PMFBP1: variants seen among roughly 807,000 people sequenced by gnomAD.
PMFBP1 encodes the protein polyamine modulated factor 1 binding protein 1, also known as polyamine-modulated factor 1-binding protein 1.
Under a neutral mutation model 137.8 loss-of-function variants are expected in PMFBP1, and 131 were observed. The observed-to-expected ratio is 0.95, with a 90% CI of 0.82 to 1.10. The LOEUF (loss-of-function observed/expected upper bound fraction) is 1.10, where lower values mean the gene tolerates loss of function less well. PMFBP1 is among the 50% of genes least tolerant of loss of function. The probability of loss-of-function intolerance (pLI) is 0.00; values close to 1 mark genes in which losing one functional copy is unlikely to be tolerated. For missense variants in PMFBP1, 1,199 were observed against 1,175.4 expected, an observed-to-expected ratio of 1.02 and a Z score of -0.29; for synonymous variants, 490 against 450.4, an observed-to-expected ratio of 1.09 and a Z score of -1.11.
chr16:72,242,497 T>A, the PMFBP1 span, among the ~76,000 whole-genome samples: 3 of 152,212 alleles, frequency 2.0e-5, no homozygotes, highest in Non-Finnish European at 4.4e-5. Context: ...CTATAGAACC[T>A]TTTCTTTTTC....
intron 3 of PMFBP1, among the ~76,000 whole-genome samples, chr16:72,155,584 G>A (rs770189935): frequency 5.3e-5 from 8 of 152,184 alleles, no homozygotes; most frequent in Admixed American, 2.0e-4. Context: ...TGAAAATAGC[G>A]TCCAAGCAAT....
chr16:72,242,751 T>C, the PMFBP1 span, among the ~76,000 whole-genome samples: 2 of 152,188 alleles, frequency 1.3e-5, no homozygotes, highest in African/African-American at 4.8e-5. Context: ...GGGGAAAATA[T>C]GTGTAAGGGC....
chr16:72,151,760 C>T (rs566339803), intron 4 of PMFBP1, among the ~76,000 whole-genome samples: 4 of 152,254 alleles, frequency 2.6e-5, no homozygotes, highest in African/African-American at 9.6e-5. Context: ...TATTTGTAAC[C>T]AAAGCTGTCA....
rs763111677 is a variant in PMFBP1 at position 72,140,481 on chromosome 16, C to T, written c.738G>A (p.Trp246Ter). The change falls in exon 6 of 21, where the codon TGG becomes TGA. Residue 246 changes from tryptophan (W) to a stop codon, truncating the protein, a stop_gained. Coordinates refer to ENST00000237353, the MANE Select transcript of PMFBP1 (RefSeq NM_031293.3). LOFTEE classifies it high-confidence loss of function. Reference protein sequence around the residue: ...QETQKRLSEVWQKVSQQDDLI... With the variant: ...QETQKRLSEV The stretch of plus-strand genomic sequence containing the variant: ...GATCATCCTGTTGAGAGACCTTTTG[C>T]CAGACTTCAGACAGTCGTTTCTGAG... 1.2e-6 allele frequency: 2 copies of T among 1,613,880 alleles called. No homozygotes were observed. Among genetic ancestry groups the T allele is most frequent in the East Asian group, 2.2e-5 (1 of 44,880 alleles).
chr16:72,209,657 G>C, the PMFBP1 span, among the ~76,000 whole-genome samples: 1 of 151,982 alleles, frequency 6.6e-6, no homozygotes, highest in Non-Finnish European at 1.5e-5. Flanking sequence ...TCTAACCAGA[G>C]CATTTATTAA....
At chr16:72,201,154 C>T in the PMFBP1 span, among the ~76,000 whole-genome samples, 3 of 152,294 alleles carry the variant, frequency 2.0e-5, no homozygotes, top group South Asian at 2.1e-4. Context: ...GCTCTTCCCC[C>T]CTCCCCCAGC....
chr16:72,175,040 G>A (rs936872344), upstream of PMFBP1, among the ~76,000 whole-genome samples: 1 of 152,112 alleles, frequency 6.6e-6, no homozygotes, highest in African/African-American at 2.4e-5. Flanking sequence ...CACACCACAT[G>A]AGAGTAGATT....
intron 4 of PMFBP1, among the ~76,000 whole-genome samples, chr16:72,151,745 C>T (rs564217126): frequency 6.6e-5 from 10 of 152,134 alleles, no homozygotes; most frequent in Non-Finnish European, 1.3e-4. Context: ...TATTTTATAT[C>T]CAAATATTTG....
the PMFBP1 span, among the ~76,000 whole-genome samples, chr16:72,237,064 T>A: frequency 6.6e-6 from 1 of 152,146 alleles, no homozygotes; most frequent in East Asian, 1.9e-4. Context: ...TAAAGCCAAG[T>A]TACCTGTTCC....
chr16:72,124,376 G>A (rs895988774), intron 17 of PMFBP1, among the ~76,000 whole-genome samples: 1 of 152,224 alleles, frequency 6.6e-6, no homozygotes, highest in African/African-American at 2.4e-5. Flanking sequence ...GCGGCCTCCT[G>A]CCATGAACTT....
intron 16 of PMFBP1, 46 bp downstream of exon 16, chr16:72,125,192 T>C (rs773677796): frequency 3.8e-6 from 6 of 1,588,528 alleles, no homozygotes; most frequent in Middle Eastern, 1.7e-4. Context: ...GGTGACCTTG[T>C]GGACCCCTAC....
At chr16:72,131,906 C>T (rs143163760) in intron 10 of PMFBP1, among the ~76,000 whole-genome samples, 2 of 152,288 alleles carry the variant, frequency 1.3e-5, no homozygotes, top group East Asian at 1.9e-4. Context: ...AGTGCACTGG[C>T]GTAATCTCAG....
chr16:72,117,244 G>GT (rs1018252950), downstream of PMFBP1, among the ~76,000 whole-genome samples: 20 of 125,298 alleles, frequency 1.6e-4, no homozygotes, highest in African/African-American at 7.0e-4. Context: ...CCAGGTATTT[G>GT]TTTATTTTTT....
rs761211607 is a variant in PMFBP1, at chr16:72,164,858, A to G, written c.71T>C (p.Leu24Pro). ...SLNSKLLSLQ[L>P]DIKNLHDVCK... ...GACATCGTGCAGATTCTTGATGTCA[A>G]GTTGCAGGCTTAACAGCTTGCTGTT... Residue 24 changes from leucine (L) to proline (P), a missense_variant, in exon 3 of 21, where the codon CTT becomes CCT. By Grantham distance (98) the Leu-to-Pro change is moderately conservative. Coordinates refer to ENST00000237353, the MANE Select transcript of PMFBP1 (RefSeq NM_031293.3). 6 of 1,610,404 alleles carry G rather than the reference A, an allele frequency of 3.7e-6. No homozygotes were observed. Among genetic ancestry groups the G allele is most frequent in the Non-Finnish European group, 4.2e-6 (5 of 1,176,916 alleles).
the PMFBP1 span, among the ~76,000 whole-genome samples, chr16:72,241,562 C>T: frequency 1.3e-5 from 2 of 152,106 alleles, no homozygotes; most frequent in African/African-American, 4.8e-5. Context: ...CTTTGTTTAC[C>T]GAGGGTTTCC....
chr16:72,139,137 C>T, intron 7 of PMFBP1, 152 bp downstream of exon 7: 1 of 620,134 alleles, frequency 1.6e-6, no homozygotes, highest in Middle Eastern at 4.4e-4. Flanking sequence ...ATACATTATA[C>T]ACAGTATCCT....
rs1485123367 is a variant in PMFBP1 at position 72,124,908 on chromosome 16, C to T, written c.2448G>A (p.Glu816=). 6.2e-7 allele frequency: 1 copy of T among 1,614,170 alleles called. No individual in the cohort carries two copies. The highest frequency in any genetic ancestry group is 1.1e-5 in the South Asian group (1 of 91,078). ...LEVHAFDKKL[E]EMSCQVLQWQ... is the part of the protein sequence containing the mutation. ...ACTGCAGCACCTGGCAGCTCATCTCCTCTAGCTTCTTGTCAAAGGCGTGCA... is the reference window on the plus strand; with the variant it reads ...ACTGCAGCACCTGGCAGCTCATCTCTTCTAGCTTCTTGTCAAAGGCGTGCA... Residue 816 remains glutamate (E), a synonymous_variant, in exon 17 of 21, where the codon GAG becomes GAA. Transcript: ENST00000237353.
At chr16:72,186,597 G>C in the PMFBP1 span, among the ~76,000 whole-genome samples, 2 of 152,138 alleles carry the variant, frequency 1.3e-5, no homozygotes, top group South Asian at 2.1e-4. Flanking sequence ...GTGTACATTA[G>C]CCTGACCTCT....
the PMFBP1 span, among the ~76,000 whole-genome samples, chr16:72,242,587 G>T: frequency 6.6e-6 from 1 of 152,136 alleles, no homozygotes; most frequent in Non-Finnish European, 1.5e-5. Flanking sequence ...TCAGGGTTTG[G>T]TCTTGATTAC....
Sources: gnomAD v4.1 joint callset for allele counts (sites outside exome capture counted in the v4.1 genomes callset) on GRCh38, gnomAD v4.1.1 for gene constraint, MANE v1.5 for transcripts, NCBI Gene and HGNC (gene_info 2026-07-23, HGNC 2026-07-21) for gene names.